Variants in GRPR observed in about 807,000 individuals in gnomAD.
GRPR encodes the protein gastrin releasing peptide receptor, also known as gastrin-releasing peptide receptor.
In GRPR, 4 loss-of-function variants were observed where a neutral mutation model predicts 15.6. The ratio of observed to expected loss-of-function variants is 0.26; its 90% CI spans 0.13 to 0.59. The LOEUF (loss-of-function observed/expected upper bound fraction) is 0.59, where lower values mean the gene tolerates loss of function less well. Among genes scored for constraint, GRPR ranks in the 20% least tolerant of loss-of-function variants. The pLI is 0.90. For synonymous variants in GRPR, 128 were observed against 126.8 expected, an observed-to-expected ratio of 1.01 and a Z score of -0.06; for missense variants, 270 against 304.1, an observed-to-expected ratio of 0.89 and a Z score of 0.83.
At chrX:16,147,038 G>C (rs1922617055) in intron 1 of GRPR, among the ~76,000 whole-genome samples, 1 of 111,407 alleles carries the variant, frequency 9.0e-6, no homozygotes. Flanking sequence ...TTGGAAAAAG[G>C]CAAGAGCTTA....
At chrX:16,132,358 G>A (rs1436128715) in intron 1 of GRPR, among the ~76,000 whole-genome samples, 1 of 111,934 alleles carries the variant, frequency 8.9e-6, no homozygotes, top group Non-Finnish European at 1.9e-5. Context: ...TACAAAATTA[G>A]GGAGAGAAGT....
chrX:16,147,373 T>C (rs1027729878), intron 1 of GRPR, among the ~76,000 whole-genome samples: 1 of 112,211 alleles, frequency 8.9e-6, no homozygotes, highest in Non-Finnish European at 1.9e-5. Flanking sequence ...TATTGTTGTT[T>C]GGTTTGACTC....
intron 1 of GRPR, among the ~76,000 whole-genome samples, chrX:16,130,857 ACT>A (rs1401710693): frequency 8.9e-6 from 1 of 112,092 alleles, no homozygotes; most frequent in African/African-American, 3.2e-5. Flanking sequence ...CTGGAAGGAA[ACT>A]CAACTCATGT....
At chrX:16,137,976 C>G (rs1321370505) in intron 1 of GRPR, among the ~76,000 whole-genome samples, 2 of 111,999 alleles carry the variant, frequency 1.8e-5, no homozygotes, top group South Asian at 7.5e-4. Context: ...GGTACATCAA[C>G]CTTCTTAATT....
intron 1 of GRPR, among the ~76,000 whole-genome samples, chrX:16,131,226 G>A (rs1385752379): frequency 1.8e-5 from 2 of 111,699 alleles, no homozygotes; most frequent in Admixed American, 1.9e-4. Context: ...TTTTGAGCTT[G>A]TAAGTCCTCC....
chrX:16,136,936 T>C (rs1313154212), intron 1 of GRPR, among the ~76,000 whole-genome samples: 5 of 111,729 alleles, frequency 4.5e-5, no homozygotes, highest in Non-Finnish European at 9.4e-5. Context: ...ACGGGCCATA[T>C]AAAAACAGGC....
rs776654587 is a variant in GRPR, at chrX:16,131,580, G to A, written c.413+7214G>A. On this transcript the variant is annotated intron_variant, in intron 1 of 2. Transcript: ENST00000380289. The stretch of plus-strand genomic sequence containing the variant: ...CACAGTCAAGATAGAGGACATTTTC[G>A]TCATCCCCCAATTCTATCATGCCCC... 2.3e-4 allele frequency among the ~76,000 whole-genome samples: 26 copies of A among 111,784 alleles called. No homozygotes were observed. In the South Asian group the frequency reaches 9.0e-3, roughly 39 times the overall value.
intron 2 of GRPR, among the ~76,000 whole-genome samples, chrX:16,151,445 T>C (rs1047211494): frequency 2.7e-5 from 3 of 111,841 alleles, no homozygotes; most frequent in African/African-American, 9.8e-5. Flanking sequence ...CCCACTCCAT[T>C]TCAGTGAATA....
Position 16,151,767 on chromosome X carries a change from A to G in GRPR, c.766-489A>G, listed in dbSNP as rs140076672. Among the ~76,000 whole-genome samples, 841 of 112,464 alleles carry G rather than the reference A, an allele frequency of 7.5e-3. 14 individuals are homozygous for G. The highest frequency in any genetic ancestry group is 0.026 in the African/African-American group (808 of 30,943). The stretch of plus-strand genomic sequence containing the variant: ...GTTATCTTGGTTTAGCCAGTGAAGA[A>G]GAACAAAGCTGGCTGCTCTTTCTGA... On this transcript the variant is annotated intron_variant, in intron 2 of 2. Coordinates refer to ENST00000380289, the MANE Select transcript of GRPR (RefSeq NM_005314.3).
chrX:16,144,671 T>G (rs1164191769), intron 1 of GRPR, among the ~76,000 whole-genome samples: 1 of 111,661 alleles, frequency 9.0e-6, no homozygotes, highest in Non-Finnish European at 1.9e-5. Flanking sequence ...CAGAGAACGT[T>G]TTGTGACCTT....
At position 16,144,546 on chromosome X, in the gene GRPR, C is replaced by T. The variant is rs772548366; in HGVS notation, c.414-5759C>T. Among the ~76,000 whole-genome samples the T allele has an allele frequency of 1.2e-4, 13 of 112,000 alleles. 1 individual carries two copies. The South Asian group carries it at 4.5e-3, about 39-fold the overall frequency. ...TGCTGGATCCTTAAAAATAAACAAA[C>T]TGCCCATATTTGAATAAAAGACATA... On this transcript the variant is annotated intron_variant, in intron 1 of 2. Coordinates refer to ENST00000380289, the MANE Select transcript of GRPR (RefSeq NM_005314.3).
At chrX:16,128,856 C>T (rs1453368502) in intron 1 of GRPR, among the ~76,000 whole-genome samples, 5 of 111,644 alleles carry the variant, frequency 4.5e-5, no homozygotes. Flanking sequence ...AGATGTCCAC[C>T]TTTGTGCTAG....
In GRPR at chrX:16,124,823, A is replaced by G. The variant is rs780249948; in HGVS notation, c.413+457A>G. ...CGTTCTTTCAGAAATAACCAAGAGG[A>G]GAAAATAAGCCTCATTTCTCTGAAA... is the stretch of plus-strand genomic sequence containing the variant. On this transcript the variant is annotated intron_variant, in intron 1 of 2. Coordinates refer to ENST00000380289, the MANE Select transcript of GRPR (RefSeq NM_005314.3). 3.9e-4 allele frequency among the ~76,000 whole-genome samples: 44 copies of G among 112,553 alleles called. 1 individual carries two copies. Among genetic ancestry groups the G allele is most frequent in the Admixed American group, 3.5e-3 (37 of 10,701 alleles).
At position 16,124,075 on chromosome X, in the gene GRPR, A is replaced by G. The variant is rs1410284486; in HGVS notation, c.122A>G (p.Tyr41Cys). Reference protein sequence around the residue: ...NDDWSHPGILYVIPAVYGVII... With the variant: ...NDDWSHPGILCVIPAVYGVII... ...GACTGGTCCCACCCGGGGATCCTCT[A>G]TGTCATCCCTGCAGTTTATGGGGTT... Residue 41 changes from tyrosine to cysteine, a missense_variant, in exon 1 of 3, where the codon TAT becomes TGT. By Grantham distance (194) the Tyr-to-Cys change is radical. This residue lies in a region of GRPR where 115 missense variants were observed against 128.8 expected (regional missense o/e 0.89). Transcript: ENST00000380289. The G allele has an allele frequency of 2.0e-5, 24 of 1,208,603 alleles. No individual in the cohort carries two copies. The highest frequency in any genetic ancestry group is 2.7e-5 in the Non-Finnish European group (24 of 892,687).
chrX:16,151,971 T>TCTAA (rs1184571744), intron 2 of GRPR, among the ~76,000 whole-genome samples: 2 of 111,800 alleles, frequency 1.8e-5, no homozygotes, highest in African/African-American at 6.5e-5. Flanking sequence ...AGTGGTATGT[T>TCTAA]CTAACTCTAT....
In GRPR at chrX:16,152,519, C is replaced by T. The variant is rs1200990276; in HGVS notation, c.1029C>T (p.Gly343=). The T allele has an allele frequency of 2.5e-6, 3 of 1,208,769 alleles. No individual in the cohort carries two copies. In the African/African-American group the frequency reaches 5.2e-5, roughly 21 times the overall value. ...CTCAGCTGCTCTGTTGCCAGCCTGG[C>T]CTGATCATCCGGTCTCACAGCACTG... ...FNTQLLCCQP[G]LIIRSHSTGR... is the part of the protein sequence containing the mutation. The change falls in exon 3 of 3, where the codon GGC becomes GGT. Residue 343 remains glycine (G), a synonymous_variant. Transcript: ENST00000380289.
At chrX:16,130,433 C>A (rs1922360700) in intron 1 of GRPR, among the ~76,000 whole-genome samples, 1 of 112,425 alleles carries the variant, frequency 8.9e-6, no homozygotes, top group African/African-American at 3.2e-5. Flanking sequence ...TAGAAAGAAC[C>A]CTTTCATCCT....
chrX:16,132,598 A>G (rs1922393667), intron 1 of GRPR, among the ~76,000 whole-genome samples: 1 of 111,844 alleles, frequency 8.9e-6, no homozygotes, highest in Non-Finnish European at 1.9e-5. Context: ...ATCCATTTCT[A>G]TAGAGAAAAT....
At chrX:16,133,098 A>G (rs1374373308) in intron 1 of GRPR, among the ~76,000 whole-genome samples, 1 of 111,256 alleles carries the variant, frequency 9.0e-6, no homozygotes, top group Non-Finnish European at 1.9e-5. Context: ...GTTTCATAAT[A>G]TTTTTTCCTT....
Sources: gnomAD v4.1 joint callset for allele counts (sites outside exome capture counted in the v4.1 genomes callset) on GRCh38, gnomAD v4.1.1 for gene constraint, gnomAD v4.1.1 regional missense constraint, MANE v1.5 for transcripts, NCBI Gene and HGNC (gene_info 2026-07-23, HGNC 2026-07-21) for gene names.